The following TMEM242 variants were observed in gnomAD, a reference collection of about 807,000 sequenced individuals.
TMEM242 encodes the protein transmembrane protein 242, also known as UPF0463 transmembrane protein C6orf35.
Under a neutral mutation model 18.2 loss-of-function variants are expected in TMEM242, and 10 were observed. That is an observed-to-expected ratio of 0.55 (90% CI 0.34 to 0.93). The LOEUF is 0.93. Among genes scored for constraint, TMEM242 ranks in the 40% least tolerant of loss-of-function variants. TMEM242 has a pLI of 0.02. For missense variants in TMEM242, 186 were observed against 175.5 expected (o/e 1.06, Z -0.34); for synonymous variants, 57 against 69.9 (o/e 0.81, Z 0.92).
In TMEM242 at chr6:157,289,733, T is replaced by C. The variant is rs1777659731; in HGVS notation, c.*3168A>G. 6.8e-6 allele frequency: 1 copy of C among 147,760 alleles called. No homozygotes were observed. Among genetic ancestry groups the C allele is most frequent in the Non-Finnish European group, 1.5e-5 (1 of 66,830 alleles). The allele number at this position is 147,760 out of a possible 1,614,324, so 9.2% of individuals were successfully genotyped here. A position where few individuals can be genotyped will look rare whatever the true frequency, so the allele number is the denominator to read the frequency against. On this transcript the variant is annotated 3_prime_UTR_variant, in exon 4 of 4. Coordinates refer to ENST00000400788, the MANE Select transcript of TMEM242 (RefSeq NM_018452.6). ...TAATTTCTTCTATTTTCCCCTTAGA[T>C]TGCAATGATTAATTTGCAAGTTTGG...
intron 2 of TMEM242, among the ~76,000 whole-genome samples, chr6:157,320,526 A>G (rs1778475242): frequency 6.6e-6 from 1 of 152,164 alleles, no homozygotes; most frequent in Non-Finnish European, 1.5e-5. Context: ...GCTGGAGTGT[A>G]GTGGCGTGAT....
intron 3 of TMEM242, among the ~76,000 whole-genome samples, chr6:157,300,352 G>A (rs1281823214): frequency 1.3e-5 from 2 of 152,254 alleles, no homozygotes; most frequent in Non-Finnish European, 2.9e-5. Flanking sequence ...TCGAGCAAGT[G>A]ATTTCTGGAG....
intron 3 of TMEM242, among the ~76,000 whole-genome samples, chr6:157,311,424 ATACGG>A (rs1778088596): frequency 7.5e-5 from 3 of 40,090 alleles, no homozygotes; most frequent in East Asian, 7.0e-4. Flanking sequence ...GTGTGCACGC[ATACGG>A]CCTCATCATA....
rs775311653 is a variant in TMEM242, at chr6:157,299,885, T to G, written c.328-6886A>C. The G allele has an allele frequency of 9.5e-5, 153 of 1,612,954 alleles. 2 individuals are homozygous for G. Among genetic ancestry groups the G allele is most frequent in the Non-Finnish European group, 1.1e-4 (127 of 1,179,196 alleles). ...AAGGGCAAGTTCATCACTCAAGCCT[T>G]TTAATAAGATGCTGGTAGCGCAGGC... On this transcript the variant is annotated intron_variant, in intron 3 of 3. Transcript: ENST00000400788.
chr6:157,318,620 G>T, intron 3 of TMEM242, 162 bp downstream of exon 3: 2 of 706,812 alleles, frequency 2.8e-6, no homozygotes, highest in East Asian at 2.7e-5. Context: ...TTAGTAATAA[G>T]AAGTTGTCTA....
intron 3 of TMEM242, among the ~76,000 whole-genome samples, chr6:157,312,618 A>ATCATAATATC (rs1554249340): frequency 6.6e-6 from 1 of 151,312 alleles, no homozygotes; most frequent in African/African-American, 2.4e-5. Context: ...ACCTAGCCTC[A>ATCATAATATC]CCATAGTGTC....
rs1490101932 is a variant in TMEM242, at chr6:157,305,413, G to A, written c.328-12414C>T. 6.6e-6 allele frequency among the ~76,000 whole-genome samples: 1 copy of A among 152,108 alleles called. No individual in the cohort carries two copies. Among genetic ancestry groups the A allele is most frequent in the Non-Finnish European group, 1.5e-5 (1 of 68,020 alleles). On this transcript the variant is annotated intron_variant, in intron 3 of 3. Transcript: ENST00000400788. This position sits in a 1 kb window ranked among gnomAD's most constrained non-coding sequence, Gnocchi z 4.1. ...AGGAGCAAGTTGGGAATAAAGTGAG[G>A]AAATCAAGTGCTCTAGTTGGGACAT... is the stretch of plus-strand genomic sequence containing the variant.
intron 3 of TMEM242, among the ~76,000 whole-genome samples, chr6:157,311,001 CCCCAGTGTGCAG>C (rs1778038645): frequency 6.4e-4 from 1 of 1,556 alleles, no homozygotes; most frequent in African/African-American, 4.2e-3. Context: ...AACCTAGCCT[CCCCAGTGTGCAG>C]TCACCTAGCC....
chr6:157,294,013 G>A (rs1163408194), intron 3 of TMEM242, among the ~76,000 whole-genome samples: 1 of 152,046 alleles, frequency 6.6e-6, no homozygotes, highest in Admixed American at 6.6e-5. Flanking sequence ...GCACCACCGC[G>A]CCCAGCCTAA....
At chr6:157,314,097 C>T (rs1554250041) in intron 3 of TMEM242, among the ~76,000 whole-genome samples, 1 of 115,946 alleles carries the variant, frequency 8.6e-6, no homozygotes, top group African/African-American at 3.2e-5. Flanking sequence ...CCAGTGTGCG[C>T]TCACCCGGCC....
chr6:157,296,322 T>C (rs1327519941), intron 3 of TMEM242, among the ~76,000 whole-genome samples: 1 of 152,174 alleles, frequency 6.6e-6, no homozygotes, highest in Non-Finnish European at 1.5e-5. Flanking sequence ...TCCTATACTA[T>C]GGATAACAGG....
intron 3 of TMEM242, among the ~76,000 whole-genome samples, chr6:157,308,789 G>A (rs190760646): frequency 6.6e-6 from 1 of 152,140 alleles, no homozygotes; most frequent in Non-Finnish European, 1.5e-5. Context: ...CAATCAGATT[G>A]GCAAAAATTT....
chr6:157,294,586 G>A (rs1477309502), intron 3 of TMEM242, among the ~76,000 whole-genome samples: 7 of 151,884 alleles, frequency 4.6e-5, no homozygotes, highest in African/African-American at 9.7e-5. Context: ...TCCTGACCTC[G>A]TGATCCGCCC....
intron 3 of TMEM242, chr6:157,299,939 G>A: frequency 1.2e-6 from 2 of 1,602,612 alleles, no homozygotes; most frequent in East Asian, 2.2e-5. Flanking sequence ...TCCTATGATG[G>A]AGACCTTACT....
At chr6:157,318,093 A>G (rs1778436557) in intron 3 of TMEM242, 1 of 152,276 alleles carries the variant, frequency 6.6e-6, no homozygotes, top group African/African-American at 2.4e-5. Context: ...AAAAATGTGT[A>G]AATAACACAT....
intron 3 of TMEM242, among the ~76,000 whole-genome samples, chr6:157,308,158 T>C (rs1471052626): frequency 1.3e-5 from 2 of 152,230 alleles, no homozygotes; most frequent in African/African-American, 4.8e-5. Flanking sequence ...CTAAGCTTTT[T>C]CACAGTTTTA....
At chr6:157,322,382 C>A (rs1204799397) in intron 2 of TMEM242, among the ~76,000 whole-genome samples, 3 of 152,146 alleles carry the variant, frequency 2.0e-5, no homozygotes, top group African/African-American at 7.2e-5. Flanking sequence ...CTGCCCCTCT[C>A]GGCTTCCCAA....
intron 3 of TMEM242, among the ~76,000 whole-genome samples, chr6:157,313,562 T>A (rs974981913): frequency 2.1e-5 from 3 of 144,356 alleles, no homozygotes; most frequent in Non-Finnish European, 4.6e-5. Flanking sequence ...TTCGCTCACC[T>A]AGCCTCATCA....
At chr6:157,303,547 G>T (rs1777860467) in intron 3 of TMEM242, among the ~76,000 whole-genome samples, 1 of 152,102 alleles carries the variant, frequency 6.6e-6, no homozygotes, top group Non-Finnish European at 1.5e-5. Context: ...ATATGCAGTG[G>T]CAGAGAAACT....
Sources: allele counts gnomAD v4.1 joint callset (sites outside exome capture counted in the v4.1 genomes callset), GRCh38; gene constraint gnomAD v4.1.1; non-coding constraint Gnocchi (gnomAD v3.1); transcripts MANE v1.5; gene names NCBI Gene and HGNC (gene_info 2026-07-23, HGNC 2026-07-21).